Variants in UGT1A8 observed in about 807,000 individuals in gnomAD.
The protein encoded by UGT1A8 is UDP-glucuronosyltransferase 1A8.
A neutral mutation model predicts 45.3 loss-of-function variants in UGT1A8; 39 were observed. The ratio of observed to expected loss-of-function variants is 0.86; its 90% confidence interval spans 0.67 to 1.12. The LOEUF (loss-of-function observed/expected upper bound fraction) is 1.12, where lower values mean the gene tolerates loss of function less well. Ranked by LOEUF, UGT1A8 falls within the 50% of genes most tolerant of loss-of-function variation. The pLI, the probability that UGT1A8 is intolerant of heterozygous loss-of-function variation, is 0.00. For missense variants in UGT1A8, 719 were observed against 664.9 expected, an observed-to-expected ratio of 1.08 and a Z score of -0.90; for synonymous variants, 275 against 249.2, an observed-to-expected ratio of 1.10 and a Z score of -0.97.
At chr2:233,758,329 G>C (rs544542552) in intron 1 of UGT1A8, among the ~76,000 whole-genome samples, 16 of 152,342 alleles carry the variant, frequency 1.1e-4, no homozygotes, top group Non-Finnish European at 2.1e-4. Context: ...GCCTCAAAAA[G>C]CTTGGAAGCT....
chr2:233,707,789 G>A (rs2075987788), intron 1 of UGT1A8, among the ~76,000 whole-genome samples: 1 of 152,152 alleles, frequency 6.6e-6, no homozygotes, highest in African/African-American at 2.4e-5. Flanking sequence ...ATACCTAGGG[G>A]TGGAGCTGCT....
At chr2:233,716,325 T>G (rs1422472353) in intron 1 of UGT1A8, among the ~76,000 whole-genome samples, 1 of 152,228 alleles carries the variant, frequency 6.6e-6, no homozygotes, top group East Asian at 1.9e-4. Flanking sequence ...ATGGAATATA[T>G]TCCCAGGTTT....
At chr2:233,716,884 C>G (rs1681391448) in intron 1 of UGT1A8, among the ~76,000 whole-genome samples, 2 of 152,140 alleles carry the variant, frequency 1.3e-5, no homozygotes, top group African/African-American at 4.8e-5. Flanking sequence ...CTGTGCAGCC[C>G]AGACCCCTCC....
chr2:233,638,377 C>A (rs1313755421), intron 1 of UGT1A8, among the ~76,000 whole-genome samples: 1 of 152,002 alleles, frequency 6.6e-6, no homozygotes, highest in Non-Finnish European at 1.5e-5. Context: ...ATCTTGTATC[C>A]AGCCACATCA....
At chr2:233,627,139 T>A (rs1308444661) in intron 1 of UGT1A8, among the ~76,000 whole-genome samples, 2 of 152,064 alleles carry the variant, frequency 1.3e-5, no homozygotes, top group Non-Finnish European at 2.9e-5. Flanking sequence ...TTGGTTTACT[T>A]CCTTGCTAAT....
At chr2:233,639,537 G>A (rs963314218) in intron 1 of UGT1A8, among the ~76,000 whole-genome samples, 1 of 152,216 alleles carries the variant, frequency 6.6e-6, no homozygotes, top group African/African-American at 2.4e-5. Context: ...TTCAGAGTCT[G>A]AGTCTCATCT....
chr2:233,720,041 A>T (rs2076825366), intron 1 of UGT1A8, among the ~76,000 whole-genome samples: 1 of 152,182 alleles, frequency 6.6e-6, no homozygotes, highest in Non-Finnish European at 1.5e-5. Flanking sequence ...CCTGATTTTC[A>T]GCTGAACGGT....
Position 233,637,257 on chromosome 2 carries a change from C to A in UGT1A8, c.855+18695C>A, listed in dbSNP as rs1380566850. On this transcript the variant is annotated intron_variant, in intron 1 of 4. Transcript: ENST00000373450. ...CCCCTGTCACGGCATATGATCTCTA[C>A]AGTCACACATCAATTTGGTTGTTGC... The A allele has an allele frequency of 1.9e-6, 3 of 1,613,992 alleles. No homozygotes were observed. In the East Asian group the frequency reaches 6.7e-5, roughly 36 times the overall value.
intron 1 of UGT1A8, chr2:233,692,870 G>C (rs540721093): frequency 4.7e-5 from 70 of 1,486,054 alleles, no homozygotes; most frequent in Non-Finnish European, 6.0e-5. Context: ...CATATCAAAG[G>C]GTAAAATTCA....
chr2:233,706,305 G>A (rs916306818), intron 1 of UGT1A8, among the ~76,000 whole-genome samples: 1 of 152,206 alleles, frequency 6.6e-6, no homozygotes, highest in African/African-American at 2.4e-5. Context: ...GTACTATGTA[G>A]ATAGTGCCTT....
intron 1 of UGT1A8, among the ~76,000 whole-genome samples, chr2:233,663,143 C>T (rs935029243): frequency 1.3e-4 from 20 of 152,254 alleles, no homozygotes; most frequent in African/African-American, 4.1e-4. Flanking sequence ...GCCCATTCCC[C>T]TCTCCTCCAA....
intron 1 of UGT1A8, chr2:233,743,825 T>G: frequency 7.3e-7 from 1 of 1,367,228 alleles, no homozygotes; most frequent in South Asian, 1.1e-5. Flanking sequence ...TTTGTCGGGG[T>G]GCCACTTGAG....
intron 1 of UGT1A8, among the ~76,000 whole-genome samples, chr2:233,697,101 T>A (rs1420519928): frequency 6.6e-6 from 1 of 152,004 alleles, no homozygotes; most frequent in Non-Finnish European, 1.5e-5. Context: ...ACAGGATGAG[T>A]TTGGAAGTAT....
intron 2 of UGT1A8, 113 bp downstream of exon 2, chr2:233,767,278 T>A: frequency 6.3e-7 from 1 of 1,578,298 alleles, no homozygotes; most frequent in Non-Finnish European, 8.5e-7. Flanking sequence ...GGCTTTTCCC[T>A]GCCACTTCCC....
At position 233,618,023 on chromosome 2, in the gene UGT1A8, T is replaced by C. The variant is rs550176017; in HGVS notation, c.316T>C (p.Phe106Leu). 35 of 1,614,088 alleles carry C rather than the reference T, an allele frequency of 2.2e-5. No homozygotes were observed. Among genetic ancestry groups the C allele is most frequent in the Non-Finnish European group, 2.9e-5 (34 of 1,180,042 alleles). ...AQWKAQVRSL[F>L]SLFLSSSNGF... ...ATGGAAAGCACAAGTACGAAGTTTG[T>C]TTTCTCTATTTCTGAGTTCATCCAA... is the stretch of plus-strand genomic sequence containing the variant. Residue 106 changes from phenylalanine to leucine, a missense_variant, in exon 1 of 5, where the codon TTT (phenylalanine) becomes CTT (leucine). Coordinates refer to ENST00000373450, the MANE Select transcript of UGT1A8 (RefSeq NM_019076.5).
chr2:233,750,078 A>G (rs1420625358), intron 1 of UGT1A8, among the ~76,000 whole-genome samples: 1 of 151,926 alleles, frequency 6.6e-6, no homozygotes, highest in African/African-American at 2.4e-5. Flanking sequence ...TAACAGGCAG[A>G]GGTTGGAACA....
chr2:233,689,773 A>T (rs1045799224), intron 1 of UGT1A8: 3 of 321,866 alleles, frequency 9.3e-6, no homozygotes, highest in Non-Finnish European at 1.8e-5. Flanking sequence ...CAACTCGGGG[A>T]CATATGTTAT....
chr2:233,727,229 T>C (rs1169442036), intron 1 of UGT1A8, among the ~76,000 whole-genome samples: 2 of 152,184 alleles, frequency 1.3e-5, no homozygotes, highest in African/African-American at 2.4e-5. Flanking sequence ...CATATGCGGA[T>C]GGCTCCAAGT....
intron 1 of UGT1A8, among the ~76,000 whole-genome samples, chr2:233,738,177 G>A (rs1690719124): frequency 1.3e-5 from 2 of 152,158 alleles, no homozygotes; most frequent in Non-Finnish European, 2.9e-5. Context: ...TTTCATGTAA[G>A]ACGTGTCTTT....
Sources: allele counts gnomAD v4.1 joint callset (sites outside exome capture counted in the v4.1 genomes callset), GRCh38; gene constraint gnomAD v4.1.1; transcripts MANE v1.5; gene names NCBI Gene and HGNC (gene_info 2026-07-23, HGNC 2026-07-21).